Variants in MALRD1 observed in about 807,000 individuals in gnomAD.
MALRD1 encodes the protein MAM and LDL receptor class A domain containing 1.
In MALRD1, 247 loss-of-function variants were observed where a neutral mutation model predicts 242.1. The ratio of observed to expected loss-of-function variants is 1.02; its 90% CI spans 0.92 to 1.13. The LOEUF (loss-of-function observed/expected upper bound fraction) is 1.13. Among genes scored for constraint, MALRD1 ranks in the 50% most tolerant of loss-of-function variants. The pLI is 0.00. For synonymous variants in MALRD1, 995 were observed against 866.6 expected, an observed-to-expected ratio of 1.15 and a Z score of -2.60; for missense variants, 2,989 against 2,533.1, an observed-to-expected ratio of 1.18 and a Z score of -3.86.
chr10:19,138,462 C>T (rs1464595364), intron 10 of MALRD1, among the ~76,000 whole-genome samples: 1 of 150,368 alleles, frequency 6.7e-6, no homozygotes, highest in Non-Finnish European at 1.5e-5. Flanking sequence ...GCTCTGTCAC[C>T]CAGGCTGGAG....
intron 26 of MALRD1, among the ~76,000 whole-genome samples, chr10:19,379,584 T>G (rs1190129849): frequency 6.6e-6 from 1 of 152,196 alleles, no homozygotes; most frequent in Non-Finnish European, 1.5e-5. Context: ...TTTGTGTGAT[T>G]TTTCAGATAC....
At chr10:19,395,540 G>A (rs1344362919) in intron 28 of MALRD1, among the ~76,000 whole-genome samples, 1 of 152,118 alleles carries the variant, frequency 6.6e-6, no homozygotes, top group African/African-American at 2.4e-5. Flanking sequence ...AGTGAGCAAA[G>A]GGATGACTGG....
At chr10:19,719,237 T>TATACATAC (rs1834615113) in intron 38 of MALRD1, among the ~76,000 whole-genome samples, 1 of 124,908 alleles carries the variant, frequency 8.0e-6, no homozygotes, top group African/African-American at 3.1e-5. Flanking sequence ...TATATATATA[T>TATACATAC]ATATATATAT....
At chr10:19,157,783 A>G (rs1834229187) in intron 12 of MALRD1, among the ~76,000 whole-genome samples, 1 of 152,140 alleles carries the variant, frequency 6.6e-6, no homozygotes. Flanking sequence ...TTTTTCCTAC[A>G]TAATCCTAGC....
intron 18 of MALRD1, among the ~76,000 whole-genome samples, chr10:19,241,153 T>G (rs2131744863): frequency 6.6e-6 from 1 of 152,236 alleles, no homozygotes; most frequent in East Asian, 1.9e-4. Flanking sequence ...ATTCTTTAAC[T>G]GTTTGGTAGA....
At chr10:19,553,181 C>T (rs894519260) in intron 32 of MALRD1, among the ~76,000 whole-genome samples, 2 of 152,040 alleles carry the variant, frequency 1.3e-5, no homozygotes, top group Admixed American at 1.3e-4. Context: ...GTGCAGCCCT[C>T]AAGAAACTGT....
At chr10:19,368,561 A>G (rs1283865260) in intron 26 of MALRD1, among the ~76,000 whole-genome samples, 1 of 152,012 alleles carries the variant, frequency 6.6e-6, no homozygotes, top group South Asian at 2.1e-4. Context: ...TGATGCCTGC[A>G]GCTTTGTTCT....
chr10:19,635,642 T>A (rs558651766), intron 36 of MALRD1, among the ~76,000 whole-genome samples: 1 of 152,186 alleles, frequency 6.6e-6, no homozygotes, highest in Non-Finnish European at 1.5e-5. Flanking sequence ...AAAGCTACAA[T>A]GTATGGCTGC....
At chr10:19,099,593 A>G (rs1836174311) in intron 4 of MALRD1, among the ~76,000 whole-genome samples, 1 of 151,770 alleles carries the variant, frequency 6.6e-6, no homozygotes, top group Non-Finnish European at 1.5e-5. Context: ...CTTTATATGT[A>G]TATATATTAT....
intron 34 of MALRD1, among the ~76,000 whole-genome samples, chr10:19,601,625 C>G (rs576131137): frequency 2.0e-5 from 3 of 151,944 alleles, no homozygotes; most frequent in South Asian, 4.2e-4. Context: ...ATATTGAAAC[C>G]ATTTATTTTC....
chr10:19,341,097 A>G (rs1192761985), intron 24 of MALRD1, among the ~76,000 whole-genome samples: 1 of 152,100 alleles, frequency 6.6e-6, no homozygotes, highest in Non-Finnish European at 1.5e-5. Flanking sequence ...TTTTTTAACC[A>G]TTAGCAATAA....
intron 25 of MALRD1, among the ~76,000 whole-genome samples, chr10:19,349,864 A>C (rs116429399): frequency 6.6e-6 from 1 of 152,144 alleles, no homozygotes; most frequent in East Asian, 1.9e-4. Context: ...TTCATACTGT[A>C]GTAACTAAGA....
chr10:19,670,420 C>T (rs950999968), intron 36 of MALRD1, among the ~76,000 whole-genome samples: 7 of 152,166 alleles, frequency 4.6e-5, no homozygotes, highest in African/African-American at 1.7e-4. Flanking sequence ...TCCTTCTCTT[C>T]CCAAGAATTT....
upstream of MALRD1, among the ~76,000 whole-genome samples, chr10:19,048,009 T>A (rs1834381059): frequency 1.3e-5 from 2 of 152,222 alleles, no homozygotes; most frequent in Admixed American, 1.3e-4. Context: ...TCTATAATAT[T>A]CACGCTCATA....
chr10:19,691,622 C>T (rs951718109), intron 36 of MALRD1, among the ~76,000 whole-genome samples: 4 of 152,034 alleles, frequency 2.6e-5, no homozygotes, highest in Admixed American at 1.3e-4. Context: ...TAGCAATAAA[C>T]CTTATCCCTT....
chr10:19,618,725 C>A (rs1019869706), intron 36 of MALRD1, among the ~76,000 whole-genome samples: 1 of 151,984 alleles, frequency 6.6e-6, no homozygotes, highest in Non-Finnish European at 1.5e-5. Context: ...ATTAAAAAGG[C>A]ACTTTAACCT....
At chr10:19,396,500 A>G (rs1435684755) in intron 28 of MALRD1, among the ~76,000 whole-genome samples, 1 of 152,152 alleles carries the variant, frequency 6.6e-6, no homozygotes, top group African/African-American at 2.4e-5. Flanking sequence ...TCAAAATAAG[A>G]TGGCAAGGAA....
At chr10:19,536,732 T>A (rs1428001894) in intron 32 of MALRD1, among the ~76,000 whole-genome samples, 3 of 152,142 alleles carry the variant, frequency 2.0e-5, no homozygotes, top group African/African-American at 7.2e-5. Context: ...TCCTGAACAT[T>A]AATTACATTA....
At chr10:19,282,125 C>T (rs1275790237) in intron 20 of MALRD1, among the ~76,000 whole-genome samples, 1 of 151,918 alleles carries the variant, frequency 6.6e-6, no homozygotes, top group Non-Finnish European at 1.5e-5. Context: ...TCCGATAGTT[C>T]TATTAAAAGC....
Sources: allele counts gnomAD v4.1 joint callset (sites outside exome capture counted in the v4.1 genomes callset), GRCh38; gene constraint gnomAD v4.1.1; transcripts MANE v1.5; gene names NCBI Gene and HGNC (gene_info 2026-07-23, HGNC 2026-07-21).